TRIM2: variants seen among roughly 807,000 people sequenced by gnomAD.
TRIM2 encodes the protein tripartite motif containing 2, also known as tripartite motif-containing protein 2.
A neutral mutation model predicts 75.2 loss-of-function variants in TRIM2; 20 were observed. The observed-to-expected ratio is 0.27, with a 90% CI of 0.19 to 0.39. The LOEUF is 0.39. Among genes scored for constraint, TRIM2 ranks in the 10% least tolerant of loss-of-function variants. The probability of loss-of-function intolerance (pLI) is 1.00; values close to 1 mark genes in which losing one functional copy is unlikely to be tolerated. For missense variants in TRIM2, 660 were observed against 990.8 expected (o/e 0.67, Z 4.48); for synonymous variants, 373 against 388.3 (o/e 0.96, Z 0.46).
At chr4:153,281,727 A>G (rs1405431872) in intron 3 of TRIM2, among the ~76,000 whole-genome samples, 3 of 152,256 alleles carry the variant, frequency 2.0e-5, no homozygotes, top group Non-Finnish European at 2.9e-5. Context: ...TCTGTCTTCT[A>G]ATTAAACTGC....
chr4:153,211,961 G>A (rs1360436668), intron 1 of TRIM2, among the ~76,000 whole-genome samples: 6 of 152,030 alleles, frequency 3.9e-5, no homozygotes, highest in South Asian at 2.1e-4. Flanking sequence ...TCTTTTCCCC[G>A]GTAGATGGAA....
At chr4:153,322,879 T>C in intron 9 of TRIM2, 63 bp downstream of exon 9, 3 of 1,588,784 alleles carry the variant, frequency 1.9e-6, no homozygotes, top group Non-Finnish European at 1.7e-6. Flanking sequence ...ATTTGCATGA[T>C]GTTGGAGCAT....
intron 1 of TRIM2, among the ~76,000 whole-genome samples, chr4:153,254,305 A>G (rs1167400413): frequency 1.3e-5 from 2 of 152,208 alleles, no homozygotes; most frequent in African/African-American, 4.8e-5. Context: ...TTAGTAGCGT[A>G]CATCCTCTTC....
At chr4:153,158,273 C>G (rs1729423304) in intron 1 of TRIM2, among the ~76,000 whole-genome samples, 1 of 152,134 alleles carries the variant, frequency 6.6e-6, no homozygotes, top group Admixed American at 6.5e-5. Flanking sequence ...TTCAATTCAT[C>G]CCTGTCCTGA....
At chr4:153,169,126 G>A (rs571750398) in intron 1 of TRIM2, among the ~76,000 whole-genome samples, 3 of 152,144 alleles carry the variant, frequency 2.0e-5, no homozygotes, top group African/African-American at 7.2e-5. Context: ...ATTCTTCTCA[G>A]CTCTAACCTA....
chr4:153,239,418 G>GCTCTCT (rs145312123), intron 1 of TRIM2, among the ~76,000 whole-genome samples: 6 of 146,968 alleles, frequency 4.1e-5, no homozygotes, highest in African/African-American at 1.5e-4. Flanking sequence ...TAAAGATAGT[G>GCTCTCT]CTCTCTCTCT....
At chr4:153,257,324 T>C (rs1254020322) in intron 1 of TRIM2, 7 of 842,216 alleles carry the variant, frequency 8.3e-6, no homozygotes, top group East Asian at 9.3e-5. Context: ...ACGAATCTCA[T>C]TGCAGCTCGC....
intron 1 of TRIM2, among the ~76,000 whole-genome samples, chr4:153,261,189 A>T (rs1313555851): frequency 6.6e-6 from 1 of 152,220 alleles, no homozygotes; most frequent in African/African-American, 2.4e-5. Flanking sequence ...TAAGAGGCCA[A>T]GGCCGGTGGA....
At position 153,153,522 on chromosome 4, in the gene TRIM2, A is replaced by G. The variant is rs534743992; in HGVS notation, c.-49+252A>G. ...CCAGCGCCGGGCTTGGAACCGCCCTATGCTTTGGGGATCCACACACAAAGG... is the reference window on the plus strand; with the variant it reads ...CCAGCGCCGGGCTTGGAACCGCCCTGTGCTTTGGGGATCCACACACAAAGG... On this transcript the variant is annotated intron_variant, in intron 1 of 11. Coordinates refer to the TRIM2 transcript ENST00000437508. Among the ~76,000 whole-genome samples, 23 of 152,308 alleles carry G rather than the reference A, an allele frequency of 1.5e-4. 3 individuals are homozygous for G. The highest frequency in any genetic ancestry group is 9.1e-4 in the Admixed American group (14 of 15,306).
chr4:153,271,761 A>C (rs10017203), intron 2 of TRIM2, among the ~76,000 whole-genome samples: 63,269 of 152,018 alleles, frequency 0.42, 16,192 homozygotes, highest in African/African-American at 0.73. Flanking sequence ...ACCAGCTAAT[A>C]GTCCATGTGT....
chr4:153,182,718 C>A (rs950938143), intron 1 of TRIM2, among the ~76,000 whole-genome samples: 1 of 152,178 alleles, frequency 6.6e-6, no homozygotes, highest in African/African-American at 2.4e-5. Context: ...TTCAGAATAA[C>A]CTAATACTTG....
intron 3 of TRIM2, among the ~76,000 whole-genome samples, chr4:153,280,177 C>T (rs1758966388): frequency 6.8e-6 from 1 of 147,020 alleles, no homozygotes; most frequent in Non-Finnish European, 1.5e-5. Flanking sequence ...ACAGAAATAT[C>T]TACACATAGT....
chr4:153,228,003 C>T (rs1418858042), intron 1 of TRIM2, among the ~76,000 whole-genome samples: 3 of 152,116 alleles, frequency 2.0e-5, no homozygotes, highest in Admixed American at 2.0e-4. Context: ...AAATAATTAC[C>T]ATGTTAGTCC....
chr4:153,316,981 C>T (rs1205045315), intron 8 of TRIM2, among the ~76,000 whole-genome samples: 1 of 138,380 alleles, frequency 7.2e-6, no homozygotes, highest in Admixed American at 7.8e-5. Context: ...CCCAGGTTCA[C>T]GCCATTCTCC....
chr4:153,193,127 CTTTTT>C (rs141233060), intron 1 of TRIM2, among the ~76,000 whole-genome samples: 1 of 106,730 alleles, frequency 9.4e-6, no homozygotes. Flanking sequence ...AGTGAATAAT[CTTTTT>C]TTTTTTTTTT....
At chr4:153,318,663 G>C (rs1768238282) in intron 8 of TRIM2, among the ~76,000 whole-genome samples, 1 of 152,136 alleles carries the variant, frequency 6.6e-6, no homozygotes, top group African/African-American at 2.4e-5. Flanking sequence ...ATTTGTTTAT[G>C]TTTTATACTC....
upstream of TRIM2, among the ~76,000 whole-genome samples, chr4:153,201,282 G>T (rs1400124720): frequency 6.6e-6 from 1 of 151,994 alleles, no homozygotes; most frequent in Non-Finnish European, 1.5e-5. Flanking sequence ...TTTTTGATTT[G>T]CACTTCCCTA....
At position 153,292,974 on chromosome 4, in the gene TRIM2, A is replaced by T; in HGVS notation, c.454-8A>T. On this transcript the variant is annotated splice_region_variant and splice_polypyrimidine_tract_variant and intron_variant, in intron 3 of 11. Transcript: ENST00000338700. The stretch of plus-strand genomic sequence containing the variant: ...CAGAACCAGGAACTTTTCTTGTGTC[A>T]TCCACAGGTGATGGAATTTTACTGC... The T allele has an allele frequency of 6.2e-7, 1 of 1,602,464 alleles. No homozygotes were observed. Among genetic ancestry groups the T allele is most frequent in the Non-Finnish European group, 8.5e-7 (1 of 1,172,798 alleles).
intron 3 of TRIM2, among the ~76,000 whole-genome samples, chr4:153,291,803 T>C (rs1470172547): frequency 6.6e-6 from 1 of 152,212 alleles, no homozygotes; most frequent in Non-Finnish European, 1.5e-5. Flanking sequence ...GAACTTATTA[T>C]GTACCAAAGC....
Sources: allele counts gnomAD v4.1 joint callset (sites outside exome capture counted in the v4.1 genomes callset), GRCh38; gene constraint gnomAD v4.1.1; transcripts MANE v1.5; gene names NCBI Gene and HGNC (gene_info 2026-07-23, HGNC 2026-07-21).